The following ST18 variants were observed in gnomAD, a reference collection of about 807,000 sequenced individuals.
The protein encoded by ST18 is suppression of tumorigenicity 18 protein.
A neutral mutation model predicts 110.0 loss-of-function variants in ST18; 50 were observed. The observed-to-expected ratio is 0.45, with a 90% confidence interval of 0.36 to 0.58. ST18 has a LOEUF of 0.58. Among genes scored for constraint, ST18 ranks in the 20% least tolerant of loss-of-function variants. The pLI, the probability that ST18 is intolerant of heterozygous loss-of-function variation, is 0.00. For synonymous variants in ST18, 461 were observed against 452.4 expected (o/e 1.02, Z -0.24); for missense variants, 1,306 against 1,280.1 (o/e 1.02, Z -0.31).
At position 52,409,580 on chromosome 8, in the gene ST18, G is replaced by A. The variant is rs1845716532; in HGVS notation, c.-622C>T. ...AACTCTGCCAGGCACTGGTTTTTGC[G>A]TGGGATGATGCCAGCTTCTCTCTTC... On this transcript the variant is annotated 5_prime_UTR_variant, in exon 1 of 26. It adds an upstream start codon to the 5' untranslated region. Transcript: ENST00000689386. 1 of 152,210 alleles carries A rather than the reference G, an allele frequency of 6.6e-6. No homozygotes were observed. The highest frequency in any genetic ancestry group is 2.1e-4 in the South Asian group (1 of 4,826). 9.4% of individuals were successfully genotyped at this position (152,210 alleles called of 1,614,324 possible).
chr8:52,287,624 A>G (rs1267153729), intron 2 of ST18, among the ~76,000 whole-genome samples: 1 of 152,218 alleles, frequency 6.6e-6, no homozygotes, highest in African/African-American at 2.4e-5. Context: ...GCCCGGCCTC[A>G]AGGCTATGCA....
chr8:52,350,668 C>T (rs1484776208), intron 2 of ST18, among the ~76,000 whole-genome samples: 1 of 151,994 alleles, frequency 6.6e-6, no homozygotes, highest in Non-Finnish European at 1.5e-5. Context: ...TTCTGTCATC[C>T]TTCTATGCCA....
chr8:52,173,404 C>T lies in ST18; in HGVS notation c.278-821G>A, dbSNP rs181582188. On this transcript the variant is annotated intron_variant, in intron 9 of 25. Transcript: ENST00000689386. The stretch of plus-strand genomic sequence containing the variant: ...TTGGGTCCTGAACGTGAAGGCACCC[C>T]GTGAGGAGCCCCCAGTGCCTGTCTG... Among the ~76,000 whole-genome samples, 26 of 152,278 alleles carry T rather than the reference C, an allele frequency of 1.7e-4. No individual in the cohort carries two copies. In the East Asian group the frequency reaches 2.1e-3, roughly 12 times the overall value.
rs143796562 is a variant in ST18, at chr8:52,282,740, T to G, written c.-464-52663A>C. ...CCGCTGGGGTGAGTCATCGGGAAGG[T>G]GAGTCATCGGGAAGGGTGAGGCTCG... On this transcript the variant is annotated intron_variant, in intron 2 of 25. Transcript: ENST00000689386. Among the ~76,000 whole-genome samples, 476 of 151,774 alleles carry G rather than the reference T, an allele frequency of 3.1e-3. 5 individuals carry two copies. The highest frequency in any genetic ancestry group is 0.011 in the African/African-American group (464 of 41,364).
intron 8 of ST18, chr8:52,206,714 G>A (rs2080213505): frequency 6.6e-6 from 1 of 152,204 alleles, no homozygotes; most frequent in Non-Finnish European, 1.5e-5. Context: ...TTTTCTTGAA[G>A]GTGTCAGTTT....
At chr8:52,178,207 C>T (rs765410192) in intron 9 of ST18, among the ~76,000 whole-genome samples, 7 of 152,142 alleles carry the variant, frequency 4.6e-5, no homozygotes, top group Admixed American at 6.6e-5. Flanking sequence ...GATGCAAACG[C>T]ACACACATTT....
chr8:52,294,897 G>T (rs1414084166), intron 2 of ST18, among the ~76,000 whole-genome samples: 2 of 152,222 alleles, frequency 1.3e-5, no homozygotes, highest in East Asian at 1.9e-4. Flanking sequence ...CAGGAGCCAT[G>T]CTTATCACCT....
chr8:52,265,040 C>T (rs1016019115), intron 2 of ST18, among the ~76,000 whole-genome samples: 1 of 152,108 alleles, frequency 6.6e-6, no homozygotes, highest in Non-Finnish European at 1.5e-5. Context: ...GATGGCTGTG[C>T]GTGAAATAAA....
At chr8:52,344,800 T>A (rs1816943677) in intron 2 of ST18, among the ~76,000 whole-genome samples, 1 of 152,210 alleles carries the variant, frequency 6.6e-6, no homozygotes, top group Non-Finnish European at 1.5e-5. Flanking sequence ...ATATACACAT[T>A]TAACTATAAA....
rs575817079 is a variant in ST18 at position 52,146,133 on chromosome 8, G to A, written c.2053-3088C>T. Reference sequence around the variant, plus strand: ...GGCAAAGGGAAAGACGTGGGTGGGAGCAGGGACATAACCATATTCCAGTCT... The same window carrying A: ...GGCAAAGGGAAAGACGTGGGTGGGAACAGGGACATAACCATATTCCAGTCT... On this transcript the variant is annotated intron_variant, in intron 16 of 25. Coordinates refer to ENST00000689386, the MANE Select transcript of ST18 (RefSeq NM_001352837.2). Among the ~76,000 whole-genome samples, 45 of 152,288 alleles carry A rather than the reference G, an allele frequency of 3.0e-4. No homozygotes were observed. In the South Asian group the frequency reaches 9.3e-3, roughly 32 times the overall value.
chr8:52,134,953 T>C lies in ST18; in HGVS notation c.2300+1637A>G, dbSNP rs557590658. Among the ~76,000 whole-genome samples the C allele has an allele frequency of 1.1e-4, 17 of 152,350 alleles. No homozygotes were observed. In the East Asian group the frequency reaches 2.5e-3, roughly 22 times the overall value. On this transcript the variant is annotated intron_variant, in intron 19 of 25. Transcript: ENST00000689386. ...CTATGGAAAAAACCAAAGACATTAC[T>C]TATTAGATAGCTGTATAAAAATATT...
At chr8:52,306,383 T>A (rs565250452) in intron 2 of ST18, among the ~76,000 whole-genome samples, 2 of 152,312 alleles carry the variant, frequency 1.3e-5, no homozygotes, top group Admixed American at 1.3e-4. Flanking sequence ...GATGTTTGTC[T>A]ATTGTGTTCC....
intron 2 of ST18, chr8:52,404,356 T>C (rs528013207): frequency 6.6e-6 from 1 of 152,074 alleles, no homozygotes; most frequent in East Asian, 1.9e-4. Context: ...CAGGTATTTG[T>C]TGGGAGAATT....
In ST18 at chr8:52,233,609, G is replaced by T. The variant is rs1023280254; in HGVS notation, c.-464-3532C>A. Among the ~76,000 whole-genome samples the T allele has an allele frequency of 2.7e-4, 41 of 151,394 alleles. No homozygotes were observed. In the Middle Eastern group the frequency reaches 0.01, roughly 38 times the overall value. ...ACTAAGTAAGCGTCTCTGGTTATTT[G>T]AACATCTGATTGATAGTTGTCTCCC... On this transcript the variant is annotated intron_variant, in intron 2 of 25. Transcript: ENST00000689386.
chr8:52,215,256 G>T (rs1038897893), intron 6 of ST18, among the ~76,000 whole-genome samples: 6 of 152,172 alleles, frequency 3.9e-5, no homozygotes, highest in Non-Finnish European at 8.8e-5. Context: ...AGGGGAGCAG[G>T]TGTGGCAATG....
intron 2 of ST18, chr8:52,406,602 T>G (rs1844595675): frequency 6.6e-6 from 1 of 152,266 alleles, no homozygotes; most frequent in South Asian, 2.1e-4. Flanking sequence ...AATGAGAGCT[T>G]GACAAAGGGA....
At chr8:52,342,596 T>A (rs1815625561) in intron 2 of ST18, among the ~76,000 whole-genome samples, 1 of 152,204 alleles carries the variant, frequency 6.6e-6, no homozygotes, top group African/African-American at 2.4e-5. Flanking sequence ...GCAGCACATA[T>A]CAAATTTCAG....
At chr8:52,369,443 G>A (rs1829429334) in intron 2 of ST18, among the ~76,000 whole-genome samples, 1 of 152,214 alleles carries the variant, frequency 6.6e-6, no homozygotes, top group Admixed American at 6.5e-5. Context: ...CTGGTACTGT[G>A]TTGATGAGGG....
chr8:52,161,764 G>A (rs867411189), intron 13 of ST18, among the ~76,000 whole-genome samples, 196 bp from the exon 14 acceptor site: 3 of 152,282 alleles, frequency 2.0e-5, no homozygotes, highest in Middle Eastern at 6.8e-3. Flanking sequence ...AAGATGCTCT[G>A]GGCTCTACAT....
Sources: allele counts gnomAD v4.1 joint callset (sites outside exome capture counted in the v4.1 genomes callset), GRCh38; gene constraint gnomAD v4.1.1; transcripts MANE v1.5; gene names NCBI Gene and HGNC (gene_info 2026-07-23, HGNC 2026-07-21).